AR: variants seen among roughly 807,000 people sequenced by gnomAD.
AR encodes androgen receptor.
Under a neutral mutation model 53.9 loss-of-function variants are expected in AR, and 8 were observed. The observed-to-expected ratio is 0.15, with a 90% CI of 0.09 to 0.27. The LOEUF (loss-of-function observed/expected upper bound fraction) is 0.27, where lower values mean the gene tolerates loss of function less well. AR is among the 10% of genes least tolerant of loss of function. The pLI is 1.00. For synonymous variants in AR, 359 were observed against 316.4 expected, an observed-to-expected ratio of 1.13 and a Z score of -1.43; for missense variants, 639 against 742.5, an observed-to-expected ratio of 0.86 and a Z score of 1.62.
intron 2 of AR, among the ~76,000 whole-genome samples, chrX:67,676,214 A>T (rs1404068922): frequency 8.9e-6 from 1 of 111,966 alleles, no homozygotes; most frequent in Non-Finnish European, 1.9e-5. Context: ...AGTTGCCTGT[A>T]GGAGAAACAG....
At chrX:67,595,887 G>T (rs975331179) in intron 1 of AR, among the ~76,000 whole-genome samples, 3 of 111,341 alleles carry the variant, frequency 2.7e-5, no homozygotes, top group Admixed American at 1.9e-4. Flanking sequence ...TCACAATGAG[G>T]GTCGCTGATA....
At chrX:67,648,271 A>G (rs1185603586) in intron 2 of AR, among the ~76,000 whole-genome samples, 1 of 111,777 alleles carries the variant, frequency 8.9e-6, no homozygotes, top group Non-Finnish European at 1.9e-5. Context: ...CCTCCTTGCA[A>G]TACCCAGAGG....
chrX:67,560,256 C>T lies in AR; in HGVS notation c.1616+13494C>T, dbSNP rs934051581. On this transcript the variant is annotated intron_variant, in intron 1 of 7. Coordinates refer to ENST00000374690, the MANE Select transcript of AR (RefSeq NM_000044.6). ...GGAATTAGGGTGCTGAAGGGATATG[C>T]TGTTTCCCAAAGCCTTCTCAGTCAT... Among the ~76,000 whole-genome samples the T allele has an allele frequency of 4.5e-5, 5 of 111,339 alleles. No homozygotes were observed. The Admixed American group carries it at 4.8e-4, about 11-fold the overall frequency.
At chrX:67,722,566 TC>T (rs1402144191) in intron 6 of AR, among the ~76,000 whole-genome samples, 1 of 111,882 alleles carries the variant, frequency 8.9e-6, no homozygotes, top group African/African-American at 3.3e-5. Context: ...AAAATGAGTA[TC>T]TGAGAAGAGT....
intron 1 of AR, among the ~76,000 whole-genome samples, chrX:67,629,653 T>A (rs1382726430): frequency 9.1e-6 from 1 of 109,973 alleles, no homozygotes; most frequent in Admixed American, 9.7e-5. Context: ...TCTGCTCTGA[T>A]TTTAGTTATT....
At chrX:67,572,319 A>G (rs960034606) in intron 1 of AR, among the ~76,000 whole-genome samples, 10 of 111,245 alleles carry the variant, frequency 9.0e-5, no homozygotes, top group African/African-American at 3.3e-4. Flanking sequence ...GAGATGATAT[A>G]TCCGTGGTAA....
intron 2 of AR, among the ~76,000 whole-genome samples, chrX:67,655,763 T>C (rs1377248691): frequency 9.0e-6 from 1 of 111,419 alleles, no homozygotes; most frequent in Non-Finnish European, 1.9e-5. Flanking sequence ...AAGGATAACA[T>C]GAGATAAGGC....
intron 1 of AR, among the ~76,000 whole-genome samples, chrX:67,589,536 A>G (rs1212745738): frequency 8.9e-6 from 1 of 111,813 alleles, no homozygotes; most frequent in African/African-American, 3.3e-5. Context: ...CTTCTGTTGT[A>G]TTCACTGTTG....
At chrX:67,707,893 C>T (rs182230441) in intron 3 of AR, among the ~76,000 whole-genome samples, 1 of 111,705 alleles carries the variant, frequency 9.0e-6, no homozygotes, top group African/African-American at 3.3e-5. Flanking sequence ...ATTTCTCCTT[C>T]ACTTATGAAG....
chrX:67,710,609 A>T (rs1407687019), intron 3 of AR, among the ~76,000 whole-genome samples: 8 of 111,897 alleles, frequency 7.1e-5, no homozygotes, highest in Non-Finnish European at 1.9e-5. Flanking sequence ...CTGGGATTAC[A>T]GGCATGAACC....
chrX:67,679,845 G>C (rs980611203), intron 2 of AR, among the ~76,000 whole-genome samples: 6 of 111,347 alleles, frequency 5.4e-5, no homozygotes, highest in Non-Finnish European at 1.1e-4. Flanking sequence ...ATTATTCTTA[G>C]TTTATGGTTT....
intron 1 of AR, among the ~76,000 whole-genome samples, chrX:67,604,198 ATG>A (rs72092334): frequency 0.15 from 11,685 of 77,777 alleles, 721 homozygotes; most frequent in Non-Finnish European, 0.17. Flanking sequence ...GGGGAGAAAT[ATG>A]TGTGTGTGTG....
At chrX:67,586,795 A>C (rs2147361071) in intron 1 of AR, among the ~76,000 whole-genome samples, 1 of 111,757 alleles carries the variant, frequency 8.9e-6, no homozygotes, top group South Asian at 3.8e-4. Context: ...ATAGTTAATG[A>C]CCACTCCAGA....
chrX:67,602,991 A>G (rs987545892), intron 1 of AR, among the ~76,000 whole-genome samples: 2 of 111,728 alleles, frequency 1.8e-5, no homozygotes, highest in Non-Finnish European at 3.8e-5. Flanking sequence ...TAGTTGAGAA[A>G]CATGACTTCT....
chrX:67,547,550 A>T (rs1226720237), intron 1 of AR, among the ~76,000 whole-genome samples: 1 of 112,015 alleles, frequency 8.9e-6, no homozygotes, highest in African/African-American at 3.3e-5. Flanking sequence ...ATTATAACAG[A>T]TCCACAGCCC....
intron 3 of AR, among the ~76,000 whole-genome samples, chrX:67,703,465 G>A (rs1249258398): frequency 9.0e-6 from 1 of 111,499 alleles, no homozygotes; most frequent in African/African-American, 3.3e-5. Context: ...CTTAAATAAT[G>A]TTATTTCTAT....
In AR at chrX:67,728,445, A is replaced by C. The variant is rs1211342240; in HGVS notation, c.*4604A>C. The C allele has an allele frequency of 2.0e-5, 3 of 149,135 alleles. No homozygotes were observed. The highest frequency in any genetic ancestry group is 9.6e-5 in the African/African-American group (3 of 31,201). The allele number at this position is 149,135 out of a possible 1,213,427, so 12.3% of individuals were successfully genotyped here. A position where few individuals can be genotyped will look rare whatever the true frequency, so the allele number is the denominator to read the frequency against. ...GAGCATTTAAAGTACTAGATTTTGC[A>C]CTAGAGGGACAGCAGGCAGAAATCC... On this transcript the variant is annotated 3_prime_UTR_variant, in exon 8 of 8. Coordinates refer to ENST00000374690, the MANE Select transcript of AR (RefSeq NM_000044.6).
chrX:67,688,129 A>T (rs1332981409), intron 3 of AR, among the ~76,000 whole-genome samples: 4 of 111,787 alleles, frequency 3.6e-5, no homozygotes, highest in African/African-American at 1.3e-4. Context: ...ACTGGCCTTC[A>T]TTTCAGTTGC....
intron 3 of AR, among the ~76,000 whole-genome samples, chrX:67,709,006 G>A (rs761535178): frequency 4.4e-4 from 49 of 111,608 alleles, no homozygotes; most frequent in African/African-American, 1.3e-3. Context: ...TGGAAGTTTC[G>A]TCTCAGAGGG....
Sources: allele counts gnomAD v4.1 joint callset (sites outside exome capture counted in the v4.1 genomes callset), GRCh38; gene constraint gnomAD v4.1.1; transcripts MANE v1.5; gene names NCBI Gene and HGNC (gene_info 2026-07-23, HGNC 2026-07-21).